Variants in LRRIQ3 observed in about 807,000 individuals in gnomAD.
LRRIQ3 encodes leucine rich repeats and IQ motif containing 3.
In LRRIQ3, 75 loss-of-function variants were observed where a neutral mutation model predicts 59.3. The observed-to-expected ratio is 1.26, with a 90% confidence interval of 1.05 to 1.53. The LOEUF (loss-of-function observed/expected upper bound fraction) is 1.53. LRRIQ3 is among the 40% of genes most tolerant of loss of function. LRRIQ3 has a pLI of 0.00. For missense variants in LRRIQ3, 831 were observed against 710.0 expected (o/e 1.17, Z -1.94); for synonymous variants, 250 against 231.3 (o/e 1.08, Z -0.73).
intron 4 of LRRIQ3, among the ~76,000 whole-genome samples, chr1:74,136,812 A>G (rs1647132374): frequency 6.6e-6 from 1 of 151,966 alleles, no homozygotes; most frequent in Admixed American, 6.6e-5. Context: ...AGTAGAAATT[A>G]TTAAGGCTAA....
intron 5 of LRRIQ3, among the ~76,000 whole-genome samples, chr1:74,094,624 A>C (rs1177091974): frequency 2.0e-5 from 3 of 152,146 alleles, no homozygotes; most frequent in African/African-American, 7.2e-5. Context: ...TAAGCCACCA[A>C]ATTTGTAGTA....
intron 3 of LRRIQ3, among the ~76,000 whole-genome samples, chr1:74,168,189 T>C (rs1649109900): frequency 6.6e-6 from 1 of 152,104 alleles, no homozygotes; most frequent in South Asian, 2.1e-4. Context: ...AGAGAAGTAT[T>C]GACATCTCCA....
chr1:74,198,133 C>A lies in LRRIQ3; in HGVS notation c.-138G>T. ...AAGACAACATCCAAGTTCTCCACAT[C>A]ATGGTTTTCCGGGCGCCAGCCAAGG... is the stretch of plus-strand genomic sequence containing the variant. On this transcript the variant is annotated 5_prime_UTR_variant, in exon 1 of 8. It removes an upstream start codon present in the reference 5' UTR. Coordinates refer to ENST00000354431, the MANE Select transcript of LRRIQ3 (RefSeq NM_001105659.2). 1 of 1,463,430 alleles carries A rather than the reference C, an allele frequency of 6.8e-7. No homozygotes were observed. The allele number at this position is 1,463,430 out of a possible 1,614,324, so 90.7% of individuals were successfully genotyped here.
intron 3 of LRRIQ3, among the ~76,000 whole-genome samples, chr1:74,170,421 T>A (rs1226121750): frequency 6.6e-5 from 10 of 152,198 alleles, no homozygotes; most frequent in Non-Finnish European, 1.5e-5. Flanking sequence ...TTGAAGAGAA[T>A]ATCTTTTCTC....
At chr1:74,196,365 G>A (rs1402080057) in intron 1 of LRRIQ3, among the ~76,000 whole-genome samples, 1 of 152,030 alleles carries the variant, frequency 6.6e-6, no homozygotes, top group Non-Finnish European at 1.5e-5. Flanking sequence ...TATAGGCTCT[G>A]CTGACCTTCA....
At chr1:74,146,764 C>T (rs772855179) in intron 4 of LRRIQ3, among the ~76,000 whole-genome samples, 54 of 152,164 alleles carry the variant, frequency 3.5e-4, no homozygotes, top group Non-Finnish European at 6.9e-4. Context: ...AGGTAAATTA[C>T]ATAAAATGTC....
At position 74,041,722 on chromosome 1, in the gene LRRIQ3, A is replaced by C. The variant is rs377149315; in HGVS notation, c.1209T>G (p.Ser403Arg). The change falls in exon 7 of 8, where the codon AGT becomes AGG. Residue 403 changes from serine (S) to arginine (R), a missense_variant. By Grantham distance (110) the Ser-to-Arg change is moderately radical (BLOSUM62 -1). Coordinates refer to ENST00000354431, the MANE Select transcript of LRRIQ3 (RefSeq NM_001105659.2). ...IIKKDIRLER[S>R]MKEFFAPQRA... ...TTTGTGGTGCAAAAAACTCTTTCAT[A>C]CTCCGCTCCAATCGTATGTCTTTTT... 13 of 1,613,428 alleles carry C rather than the reference A, an allele frequency of 8.1e-6. No individual in the cohort carries two copies. The African/African-American group carries it at 1.7e-4, about 22-fold the overall frequency.
chr1:74,147,347 T>A (rs1336038777), intron 4 of LRRIQ3, among the ~76,000 whole-genome samples: 1 of 152,200 alleles, frequency 6.6e-6, no homozygotes, highest in Non-Finnish European at 1.5e-5. Flanking sequence ...ATGAAATAAA[T>A]AAATTTTTCT....
At chr1:74,064,847 T>C (rs1271496888) in intron 6 of LRRIQ3, among the ~76,000 whole-genome samples, 1 of 152,066 alleles carries the variant, frequency 6.6e-6, no homozygotes, top group African/African-American at 2.4e-5. Context: ...CTCTTACTAC[T>C]TTCAAAATTC....
intron 3 of LRRIQ3, chr1:74,180,997 T>G: frequency 1.8e-6 from 1 of 548,212 alleles, no homozygotes; most frequent in South Asian, 2.2e-5. Context: ...CTCTGTGCCT[T>G]TCCCTTGGAC....
At chr1:74,034,681 A>G (rs1027461531) in intron 7 of LRRIQ3, among the ~76,000 whole-genome samples, 5 of 151,700 alleles carry the variant, frequency 3.3e-5, no homozygotes, top group Non-Finnish European at 5.9e-5. Flanking sequence ...AGTGTACACT[A>G]AAGAAAATGA....
At chr1:74,146,626 A>T (rs1302528545) in intron 4 of LRRIQ3, among the ~76,000 whole-genome samples, 1 of 152,254 alleles carries the variant, frequency 6.6e-6, no homozygotes, top group African/African-American at 2.4e-5. Context: ...CTAGCAGAAT[A>T]ATACAAATTA....
At chr1:74,196,207 A>G (rs1310599836) in intron 1 of LRRIQ3, among the ~76,000 whole-genome samples, 1 of 152,104 alleles carries the variant, frequency 6.6e-6, no homozygotes, top group African/African-American at 2.4e-5. Flanking sequence ...ACCGTCCTAG[A>G]TCCAATAAAT....
intron 5 of LRRIQ3, among the ~76,000 whole-genome samples, chr1:74,091,741 T>A (rs551072557): frequency 6.6e-6 from 1 of 152,238 alleles, no homozygotes; most frequent in Non-Finnish European, 1.5e-5. Context: ...AATGTCTTAA[T>A]AATTCAAGTG....
intron 3 of LRRIQ3, among the ~76,000 whole-genome samples, chr1:74,160,786 C>A (rs1648614119): frequency 6.6e-6 from 1 of 152,044 alleles, no homozygotes; most frequent in Admixed American, 6.6e-5. Context: ...TTTATTGTAA[C>A]CCTGACTGTA....
Position 74,155,647 on chromosome 1 carries a change from G to T in LRRIQ3, c.707+86C>A, listed in dbSNP as rs550290325. 4.8e-5 allele frequency: 62 copies of T among 1,296,288 alleles called. No homozygotes were observed. The African/African-American group carries it at 9.1e-4, about 19-fold the overall frequency. The allele number at this position is 1,296,288 out of a possible 1,614,324, so 80.3% of individuals were successfully genotyped here. A position where few individuals can be genotyped will look rare whatever the true frequency, so the allele number is the denominator to read the frequency against. ...TTTTAATGATAGAGAATACAAAAATGCAAATTATTGGAGAATTGACTTCTT... is the reference window on the plus strand; with the variant it reads ...TTTTAATGATAGAGAATACAAAAATTCAAATTATTGGAGAATTGACTTCTT... On this transcript the variant is annotated intron_variant, in intron 4 of 7. Transcript: ENST00000354431.
chr1:74,048,895 T>G (rs1193164244), intron 6 of LRRIQ3, among the ~76,000 whole-genome samples: 2 of 152,154 alleles, frequency 1.3e-5, no homozygotes, highest in Non-Finnish European at 2.9e-5. Context: ...CCAGGGCTCA[T>G]GAAACTTCTA....
Position 74,074,648 on chromosome 1 carries a change from T to G in LRRIQ3, c.997+13A>C. 1.6e-6 allele frequency: 2 copies of G among 1,226,098 alleles called. No homozygotes were observed. The highest frequency in any genetic ancestry group is 2.1e-6 in the Non-Finnish European group (2 of 934,952). The allele number at this position is 1,226,098 out of a possible 1,614,324, so 76.0% of individuals were successfully genotyped here. ...ATATTTATTAAATATAATTAAAAAT[T>G]CATATAACTAACCTTTTTGAATGAG... is the stretch of plus-strand genomic sequence containing the variant. On this transcript the variant is annotated intron_variant, in intron 6 of 7. Transcript: ENST00000354431.
chr1:74,122,133 G>A (rs1387721413), intron 4 of LRRIQ3, among the ~76,000 whole-genome samples: 4 of 152,088 alleles, frequency 2.6e-5, no homozygotes, highest in African/African-American at 9.7e-5. Flanking sequence ...GGTATTTCTA[G>A]TTCTAGATCC....
Sources: allele counts gnomAD v4.1 joint callset (sites outside exome capture counted in the v4.1 genomes callset), GRCh38; gene constraint gnomAD v4.1.1; transcripts MANE v1.5; gene names NCBI Gene and HGNC (gene_info 2026-07-23, HGNC 2026-07-21).